PTPRZ1: variants seen among roughly 807,000 people sequenced by gnomAD.
PTPRZ1 encodes receptor-type tyrosine-protein phosphatase zeta.
PTPRZ1 carries 82 observed loss-of-function variants against 214.1 expected under a neutral mutation model. The observed-to-expected ratio is 0.38, with a 90% confidence interval of 0.32 to 0.46. The LOEUF (loss-of-function observed/expected upper bound fraction) is 0.46. Among genes scored for constraint, PTPRZ1 ranks in the 20% least tolerant of loss-of-function variants. The pLI, the probability that PTPRZ1 is intolerant of heterozygous loss-of-function variation, is 1.00. For synonymous variants in PTPRZ1, 945 were observed against 987.9 expected (o/e 0.96, Z 0.81); for missense variants, 2,603 against 2,748.7 (o/e 0.95, Z 1.19).
chr7:122,003,688 A>G (rs927851123), intron 10 of PTPRZ1, among the ~76,000 whole-genome samples: 5 of 152,206 alleles, frequency 3.3e-5, no homozygotes, highest in African/African-American at 7.2e-5. Flanking sequence ...GAAGAACATC[A>G]TTATAATAAT....
chr7:121,987,453 G>C (rs557203098), intron 8 of PTPRZ1, among the ~76,000 whole-genome samples: 8 of 152,276 alleles, frequency 5.3e-5, no homozygotes, highest in Admixed American at 3.3e-4. Context: ...TCAAACGGTA[G>C]CTCTGTTTTA....
chr7:122,058,444 CAG>C (rs2150495906), intron 27 of PTPRZ1, among the ~76,000 whole-genome samples: 1 of 152,160 alleles, frequency 6.6e-6, no homozygotes, highest in East Asian at 1.9e-4. Flanking sequence ...ATTTTCAAAA[CAG>C]ATTTTAACAC....
At chr7:121,993,690 T>C (rs1282611555) in intron 8 of PTPRZ1, among the ~76,000 whole-genome samples, 1 of 152,060 alleles carries the variant, frequency 6.6e-6, no homozygotes, top group African/African-American at 2.4e-5. Flanking sequence ...TCTTCTATGG[T>C]CATTCCATGG....
intron 2 of PTPRZ1, among the ~76,000 whole-genome samples, chr7:121,932,748 G>GA (rs1014916755): frequency 6.6e-6 from 1 of 152,032 alleles, no homozygotes; most frequent in Non-Finnish European, 1.5e-5. Flanking sequence ...AAGTAATTAT[G>GA]AAAAAAATTA....
At chr7:121,992,421 C>T (rs976430679) in intron 8 of PTPRZ1, among the ~76,000 whole-genome samples, 3 of 152,102 alleles carry the variant, frequency 2.0e-5, no homozygotes, top group African/African-American at 7.2e-5. Context: ...TATTTTAGCA[C>T]CGGTTCCACA....
chr7:121,907,425 A>G (rs1481687534), intron 1 of PTPRZ1, among the ~76,000 whole-genome samples: 3 of 152,028 alleles, frequency 2.0e-5, no homozygotes, highest in Non-Finnish European at 4.4e-5. Context: ...AGTGAAAACC[A>G]TAAGACACAT....
In PTPRZ1 at chr7:122,013,318, T is replaced by A; in HGVS notation, c.4272T>A (p.Asp1424Glu). Residue 1424 changes from aspartate to glutamate, a missense_variant, in exon 12 of 30, where the codon GAT becomes GAA. This residue lies in a region of PTPRZ1 where 1,913 missense variants were observed against 1,914.3 expected (regional missense o/e 1.00). Transcript: ENST00000393386. ...GTGAAGATGGTGACACTGATGATGA[T>A]GGTGATGATGATGATGATGACAGAG... ...GGGEDGDTDD[D>E]GDDDDDDRGS... 6.3e-7 allele frequency: 1 copy of A among 1,582,610 alleles called. No homozygotes were observed. Among genetic ancestry groups the A allele is most frequent in the Non-Finnish European group, 8.6e-7 (1 of 1,168,662 alleles).
chr7:121,960,722 T>G (rs1217260881), intron 2 of PTPRZ1, among the ~76,000 whole-genome samples: 2 of 152,236 alleles, frequency 1.3e-5, no homozygotes. Flanking sequence ...ATTTTTTCCT[T>G]CAAATATTCA....
At chr7:121,959,067 C>T (rs1796796251) in intron 2 of PTPRZ1, among the ~76,000 whole-genome samples, 1 of 152,204 alleles carries the variant, frequency 6.6e-6, no homozygotes, top group South Asian at 2.1e-4. Flanking sequence ...TCGTGATCCG[C>T]CCGTCTCGGC....
chr7:121,979,343 C>T lies in PTPRZ1; in HGVS notation c.619+2492C>T, dbSNP rs527482373. Among the ~76,000 whole-genome samples the T allele has an allele frequency of 5.6e-4, 85 of 152,232 alleles. 2 individuals carry two copies. In the South Asian group the frequency reaches 0.016, roughly 29 times the overall value. On this transcript the variant is annotated intron_variant, in intron 6 of 29. Coordinates refer to ENST00000393386, the MANE Select transcript of PTPRZ1 (RefSeq NM_002851.3). Reference sequence around the variant, plus strand: ...TTTTCCAAGCAGAGCCCACAAAAGACGTTAGTTGCAATCTTTCGAGTTGCA... The same window carrying T: ...TTTTCCAAGCAGAGCCCACAAAAGATGTTAGTTGCAATCTTTCGAGTTGCA...
chr7:122,048,547 C>T (rs1792071131), intron 23 of PTPRZ1, among the ~76,000 whole-genome samples: 1 of 152,076 alleles, frequency 6.6e-6, no homozygotes, highest in Non-Finnish European at 1.5e-5. Context: ...ATGGATGCCC[C>T]ATTTACCCTC....
At chr7:122,038,959 G>C (rs991986771) in intron 19 of PTPRZ1, 70 bp downstream of exon 19, 5 of 1,546,494 alleles carry the variant, frequency 3.2e-6, no homozygotes, top group Admixed American at 3.5e-5. Flanking sequence ...TTTTAATAGA[G>C]TCAGCATTAG....
chr7:121,883,517 C>T (rs1488933416), intron 1 of PTPRZ1, among the ~76,000 whole-genome samples: 1 of 152,192 alleles, frequency 6.6e-6, no homozygotes, highest in Non-Finnish European at 1.5e-5. Context: ...CATAAACTAG[C>T]ATCTTTGTAA....
chr7:122,016,274 T>G (rs1337344734), intron 12 of PTPRZ1, among the ~76,000 whole-genome samples: 2 of 152,194 alleles, frequency 1.3e-5, no homozygotes, highest in Admixed American at 6.5e-5. Flanking sequence ...TATACTATCT[T>G]ATTCTCAAAA....
rs201740135 is a variant in PTPRZ1, at chr7:121,939,812, A to AT, written c.124+11601dup. ...ATGCAAACAATAGTGATTAAGCGTG[A>AT]TTTTTTTTTTAAAGCATGGTAAATA... is the stretch of plus-strand genomic sequence containing the variant. On this transcript the variant is annotated intron_variant, in intron 2 of 29. Transcript: ENST00000393386. 9.7e-3 allele frequency among the ~76,000 whole-genome samples: 1,458 copies of AT among 150,754 alleles called. 22 individuals carry two copies. Among genetic ancestry groups the AT allele is most frequent in the African/African-American group, 0.032 (1,330 of 41,194 alleles).
At position 121,968,080 on chromosome 7, in the gene PTPRZ1, G is replaced by T; in HGVS notation, c.254G>T (p.Trp85Leu). The change falls in exon 3 of 30, where the codon TGG (tryptophan) becomes TTG (leucine). Residue 85 changes from tryptophan to leucine, a missense_variant. Physicochemically the swap from Trp to Leu is moderately conservative, Grantham distance 61. Around this residue, in one of 6 missense-constraint regions of PTPRZ1, gnomAD observed 141 missense variants for 143.7 expected, o/e 0.98. Coordinates refer to ENST00000393386, the MANE Select transcript of PTPRZ1 (RefSeq NM_002851.3). ...CTTAAGAAACTTAAATTTCAGGGTT[G>T]GGATAAAACATCATTGGAAAACACA... Reference protein sequence around the residue: ...VNLKKLKFQGWDKTSLENTFI... With the variant: ...VNLKKLKFQGLDKTSLENTFI... The T allele has an allele frequency of 6.2e-7, 1 of 1,606,214 alleles. No individual in the cohort carries two copies. Among genetic ancestry groups the T allele is most frequent in the South Asian group, 1.1e-5 (1 of 89,034 alleles).
intron 1 of PTPRZ1, among the ~76,000 whole-genome samples, chr7:121,882,407 G>A (rs1304314196): frequency 6.6e-6 from 1 of 152,126 alleles, no homozygotes. Flanking sequence ...CAGGATAAAT[G>A]GATAGAGCTT....
Position 122,040,812 on chromosome 7 carries a change from C to A in PTPRZ1, c.5638-4C>A. 1 of 1,513,478 alleles carries A rather than the reference C, an allele frequency of 6.6e-7. No individual in the cohort carries two copies. Among genetic ancestry groups the A allele is most frequent in the African/African-American group, 1.4e-5 (1 of 72,242 alleles). The allele number at this position is 1,513,478 out of a possible 1,614,324, so 93.8% of individuals were successfully genotyped here. A position where few individuals can be genotyped will look rare whatever the true frequency, so the allele number is the denominator to read the frequency against. On this transcript the variant is annotated splice_polypyrimidine_tract_variant and splice_region_variant and intron_variant, in intron 20 of 29. Coordinates refer to ENST00000393386, the MANE Select transcript of PTPRZ1 (RefSeq NM_002851.3). ...ACTGTTATTAACTGTCTGAACTTTT[C>A]CAGGGCTCCCAGAAAGGAAGACCCA...
intron 2 of PTPRZ1, among the ~76,000 whole-genome samples, chr7:121,955,940 T>C (rs1796691933): frequency 6.6e-6 from 1 of 152,188 alleles, no homozygotes; most frequent in Non-Finnish European, 1.5e-5. Context: ...CACTCTATCA[T>C]CTTATAATTT....
Sources: allele counts gnomAD v4.1 joint callset (sites outside exome capture counted in the v4.1 genomes callset), GRCh38; gene constraint gnomAD v4.1.1; regional missense constraint gnomAD v4.1.1; transcripts MANE v1.5; gene names NCBI Gene and HGNC (gene_info 2026-07-23, HGNC 2026-07-21).